Variants in ASPH observed in about 807,000 individuals in gnomAD.
The protein encoded by ASPH is aspartate beta-hydroxylase.
In ASPH, 100 loss-of-function variants were observed where a neutral mutation model predicts 118.4. The ratio of observed to expected loss-of-function variants is 0.84; its 90% CI spans 0.72 to 1.00. The LOEUF is 1.00. ASPH is among the 50% of genes least tolerant of loss of function. The probability of loss-of-function intolerance (pLI) is 0.00; values close to 1 mark genes in which losing one functional copy is unlikely to be tolerated. For missense variants in ASPH, 920 were observed against 919.5 expected (o/e 1.00, Z -0.01); for synonymous variants, 315 against 325.6 (o/e 0.97, Z 0.35).
At chr8:61,650,529 A>G (rs1810424207) in intron 5 of ASPH, among the ~76,000 whole-genome samples, 1 of 152,182 alleles carries the variant, frequency 6.6e-6, no homozygotes, top group African/African-American at 2.4e-5. Flanking sequence ...CTGGGTTATT[A>G]CTTAGTATCC....
intron 3 of ASPH, chr8:61,661,553 A>G (rs1816924470): frequency 6.0e-6 from 1 of 167,252 alleles, no homozygotes; most frequent in African/African-American, 2.4e-5. Context: ...ATAATTGAGG[A>G]CACAGGAGAA....
At chr8:61,710,190 T>G (rs753441099) in intron 1 of ASPH, among the ~76,000 whole-genome samples, 1 of 152,162 alleles carries the variant, frequency 6.6e-6, no homozygotes, top group Non-Finnish European at 1.5e-5. Flanking sequence ...TTCTTTACAT[T>G]TAAGGAGGCT....
chr8:61,556,104 C>T, intron 18 of ASPH, 82 bp from the exon 19 acceptor site: 1 of 1,209,078 alleles, frequency 8.3e-7, no homozygotes, highest in South Asian at 1.3e-5. Context: ...ACTGTCAAAA[C>T]CAGTTTTAAT....
At chr8:61,532,198 T>C (rs1586649485) in intron 21 of ASPH, among the ~76,000 whole-genome samples, 1 of 152,296 alleles carries the variant, frequency 6.6e-6, no homozygotes, top group East Asian at 1.9e-4. Context: ...TCAACACTTG[T>C]TACCTCATTT....
chr8:61,667,855 A>G (rs1438135364), intron 3 of ASPH, among the ~76,000 whole-genome samples: 5 of 152,214 alleles, frequency 3.3e-5, no homozygotes, highest in Admixed American at 2.0e-4. Context: ...TGAAGACTTC[A>G]TCTTTTTTTC....
rs778171514 is a variant in ASPH, at chr8:61,676,264, AT to A, written c.322+4703del. The A allele has an allele frequency of 2.8e-5, 44 of 1,591,358 alleles. No homozygotes were observed. In the South Asian group the frequency reaches 4.9e-4, roughly 18 times the overall value. Reference sequence around the variant, plus strand: ...AATCTGAACTTTCCTCTGCTAAAATATTAAGGACTTCCTCAAGAGAATCAAT... The same window carrying A: ...AATCTGAACTTTCCTCTGCTAAAATATAAGGACTTCCTCAAGAGAATCAAT... On this transcript the variant is annotated intron_variant, in intron 3 of 24. Transcript: ENST00000379454.
intron 15 of ASPH, among the ~76,000 whole-genome samples, chr8:61,580,554 G>A (rs1262782347): frequency 6.6e-6 from 1 of 152,156 alleles, no homozygotes; most frequent in Non-Finnish European, 1.5e-5. Flanking sequence ...TCGCAGTTTT[G>A]CAGAACAGAT....
chr8:61,526,777 G>A (rs965744879), intron 21 of ASPH, among the ~76,000 whole-genome samples: 4 of 152,138 alleles, frequency 2.6e-5, no homozygotes, highest in Non-Finnish European at 5.9e-5. Context: ...GGCAGGTGAC[G>A]GTAGATCCTG....
intron 13 of ASPH, chr8:61,624,691 A>G (rs1202536803): frequency 1.0e-6 from 1 of 985,484 alleles, no homozygotes; most frequent in African/African-American, 1.7e-5. Flanking sequence ...AAAGTTAACC[A>G]CAGCATAATG....
chr8:61,651,224 T>A, intron 4 of ASPH, 100 bp from the exon 5 acceptor site: 1 of 951,354 alleles, frequency 1.1e-6, no homozygotes, highest in Non-Finnish European at 1.6e-6. Context: ...TTAAAATGAA[T>A]ATATTTGACT....
chr8:61,682,279 C>G (rs1057316255), intron 2 of ASPH, among the ~76,000 whole-genome samples: 4 of 151,934 alleles, frequency 2.6e-5, no homozygotes, highest in African/African-American at 9.7e-5. Context: ...ATTCAAGAAA[C>G]AGTAAAAGAT....
At chr8:61,681,094 G>A (rs1208668791) in intron 2 of ASPH, 58 bp from the exon 3 acceptor site, 1 of 1,384,722 alleles carries the variant, frequency 7.2e-7, no homozygotes, top group Non-Finnish European at 9.9e-7. Context: ...ATTTAATAAG[G>A]TATTATAACT....
intron 15 of ASPH, chr8:61,579,132 A>G: frequency 6.2e-7 from 1 of 1,611,566 alleles, no homozygotes; most frequent in Non-Finnish European, 8.5e-7. Flanking sequence ...GCGCACAAAG[A>G]CTGAGATCTC....
chr8:61,613,491 G>A (rs977570421), intron 14 of ASPH, among the ~76,000 whole-genome samples: 8 of 152,144 alleles, frequency 5.3e-5, no homozygotes, highest in African/African-American at 1.9e-4. Context: ...GATAAGGGTT[G>A]GTCATGGTTC....
chr8:61,709,589 G>T (rs1214540186), intron 1 of ASPH, among the ~76,000 whole-genome samples: 1 of 152,202 alleles, frequency 6.6e-6, no homozygotes, highest in African/African-American at 2.4e-5. Flanking sequence ...TTTAGGTGGG[G>T]TGTACATAGG....
intron 21 of ASPH, among the ~76,000 whole-genome samples, chr8:61,537,400 T>TG (rs1470432991): frequency 4.6e-5 from 7 of 152,220 alleles, no homozygotes; most frequent in Non-Finnish European, 1.0e-4. Context: ...GACAGGGTCT[T>TG]GATCTGTTAC....
intron 14 of ASPH, among the ~76,000 whole-genome samples, chr8:61,590,583 T>C (rs1486748826): frequency 1.3e-5 from 2 of 151,824 alleles, no homozygotes; most frequent in Non-Finnish European, 1.5e-5. Flanking sequence ...TGTGTGTGTG[T>C]GTGTATGAAT....
intron 16 of ASPH, among the ~76,000 whole-genome samples, chr8:61,573,320 T>G (rs1834035129): frequency 6.6e-6 from 1 of 152,174 alleles, no homozygotes; most frequent in Non-Finnish European, 1.5e-5. Context: ...GCTATCCCCA[T>G]CAAGCTACAA....
At chr8:61,520,980 T>C (rs1265598767) in intron 22 of ASPH, among the ~76,000 whole-genome samples, 2 of 152,236 alleles carry the variant, frequency 1.3e-5, no homozygotes, top group Non-Finnish European at 2.9e-5. Context: ...AGATTCTCTG[T>C]GCAGTAGACT....
Sources: allele counts gnomAD v4.1 joint callset (sites outside exome capture counted in the v4.1 genomes callset), GRCh38; gene constraint gnomAD v4.1.1; transcripts MANE v1.5; gene names NCBI Gene and HGNC (gene_info 2026-07-23, HGNC 2026-07-21).